Variants in AGBL3 observed in about 807,000 individuals in gnomAD.
AGBL3 encodes the protein AGBL carboxypeptidase 3.
In AGBL3, 68 loss-of-function variants were observed where a neutral mutation model predicts 94.5. The ratio of observed to expected loss-of-function variants is 0.72; its 90% CI spans 0.59 to 0.88. The LOEUF (loss-of-function observed/expected upper bound fraction) is 0.88. Among genes scored for constraint, AGBL3 ranks in the 40% least tolerant of loss-of-function variants. The pLI, the probability that AGBL3 is intolerant of heterozygous loss-of-function variation, is 0.00. For missense variants in AGBL3, 934 were observed against 1,103.8 expected, an observed-to-expected ratio of 0.85 and a Z score of 2.18; for synonymous variants, 354 against 370.7, an observed-to-expected ratio of 0.95 and a Z score of 0.52.
chr7:135,085,596 G>A (rs909929448), intron 15 of AGBL3, among the ~76,000 whole-genome samples: 1 of 152,000 alleles, frequency 6.6e-6, no homozygotes, highest in African/African-American at 2.4e-5. Flanking sequence ...ACAGTTTATT[G>A]AAGAGATTAT....
chr7:135,064,296 G>C (rs932829779), intron 12 of AGBL3, among the ~76,000 whole-genome samples: 19 of 152,200 alleles, frequency 1.2e-4, no homozygotes, highest in African/African-American at 4.6e-4. Context: ...TTAACAAGAA[G>C]AACAATGGTA....
chr7:135,063,431 G>A (rs974040017), intron 12 of AGBL3, among the ~76,000 whole-genome samples: 1 of 151,798 alleles, frequency 6.6e-6, no homozygotes, highest in Non-Finnish European at 1.5e-5. Context: ...TGTAACACTA[G>A]GTTGTGTATT....
Position 135,033,075 on chromosome 7 carries a change from C to T in AGBL3, c.557+93C>T, listed in dbSNP as rs968915918. The T allele has an allele frequency of 2.3e-5, 29 of 1,242,882 alleles. No homozygotes were observed. In the African/African-American group the frequency reaches 3.6e-4, roughly 15 times the overall value. The allele number at this position is 1,242,882 out of a possible 1,614,324, so 77.0% of individuals were successfully genotyped here. ...AAAGTTCTTAGTATCCATTATGAAACTGTAATTCCTTGAAGTATGGATACT... is the reference window on the plus strand; with the variant it reads ...AAAGTTCTTAGTATCCATTATGAAATTGTAATTCCTTGAAGTATGGATACT... On this transcript the variant is annotated intron_variant, in intron 6 of 16. Coordinates refer to ENST00000436302, the MANE Select transcript of AGBL3 (RefSeq NM_178563.4).
intron 7 of AGBL3, 103 bp downstream of exon 7, chr7:135,035,031 T>A: frequency 9.5e-7 from 1 of 1,049,120 alleles, no homozygotes. Flanking sequence ...CTCAAGATAG[T>A]CTAACTACTG....
chr7:135,037,500 G>A lies in AGBL3; in HGVS notation c.1420G>A (p.Asp474Asn). Residue 474 changes from aspartate (D) to asparagine (N), a missense_variant, in exon 8 of 17, where the codon GAT (aspartate) becomes AAT (asparagine). By Grantham distance (23) the Asp-to-Asn change is conservative. This residue lies in a region of AGBL3 where 441 missense variants were observed against 518.2 expected (regional missense o/e 0.85). Coordinates refer to ENST00000436302, the MANE Select transcript of AGBL3 (RefSeq NM_178563.4). ...AGAGAACATCTTCATGTATGGCTGT[G>A]ATGGTAGTGACAGATCTAAGACATT... ...RKENIFMYGC[D>N]GSDRSKTLYL... is the part of the protein sequence containing the mutation. 2 of 1,549,826 alleles carry A rather than the reference G, an allele frequency of 1.3e-6. No homozygotes were observed. Among genetic ancestry groups the A allele is most frequent in the Non-Finnish European group, 1.7e-6 (2 of 1,145,970 alleles).
chr7:135,104,400 G>A (rs1403120561), intron 15 of AGBL3, among the ~76,000 whole-genome samples: 1 of 152,140 alleles, frequency 6.6e-6, no homozygotes, highest in East Asian at 1.9e-4. Flanking sequence ...ACATATGCAT[G>A]TATTTTTATG....
At chr7:134,986,877 A>G (rs1487812670) in intron 1 of AGBL3, among the ~76,000 whole-genome samples, 176 bp downstream of exon 1, 1 of 152,248 alleles carries the variant, frequency 6.6e-6, no homozygotes, top group Non-Finnish European at 1.5e-5. Context: ...GACGCGGCTA[A>G]GCGTGGACGC....
At chr7:135,025,135 T>C (rs1814946624) in intron 5 of AGBL3, among the ~76,000 whole-genome samples, 1 of 151,484 alleles carries the variant, frequency 6.6e-6, no homozygotes, top group African/African-American at 2.4e-5. Context: ...CTGCAAGATA[T>C]TATACAAGAT....
chr7:135,093,955 A>T (rs1822249928), intron 15 of AGBL3: 1 of 169,080 alleles, frequency 5.9e-6, no homozygotes, highest in Non-Finnish European at 1.3e-5. Flanking sequence ...ATATATTTCA[A>T]TTGATTTTTC....
chr7:134,988,051 C>A (rs1161832744), intron 2 of AGBL3, 55 bp downstream of exon 2: 2 of 1,223,716 alleles, frequency 1.6e-6, no homozygotes, highest in African/African-American at 1.5e-5. Context: ...TTATATAAAT[C>A]CCCAATTAAA....
At chr7:135,047,422 G>A (rs1817470223) in intron 11 of AGBL3, among the ~76,000 whole-genome samples, 1 of 152,018 alleles carries the variant, frequency 6.6e-6, no homozygotes, top group Non-Finnish European at 1.5e-5. Flanking sequence ...TCATATGGCA[G>A]TTCTGTTTTT....
chr7:135,041,760 A>G (rs560184822), intron 8 of AGBL3, among the ~76,000 whole-genome samples: 1 of 152,316 alleles, frequency 6.6e-6, no homozygotes, highest in Admixed American at 6.5e-5. Context: ...GAATACAAAG[A>G]TAAGCTCCAG....
At chr7:135,081,618 G>A (rs1204117581) in intron 14 of AGBL3, 101 bp from the exon 15 acceptor site, 10 of 711,788 alleles carry the variant, frequency 1.4e-5, no homozygotes, top group Non-Finnish European at 2.2e-5. Flanking sequence ...CTGTCTACAA[G>A]TTATTTACTA....
chr7:135,096,100 T>C (rs1237260210), intron 15 of AGBL3, among the ~76,000 whole-genome samples: 2 of 151,444 alleles, frequency 1.3e-5, no homozygotes, highest in Admixed American at 1.3e-4. Context: ...TGCAGTGAGC[T>C]GAGATCATGC....
chr7:135,078,127 A>T (rs1820622865), intron 13 of AGBL3, among the ~76,000 whole-genome samples: 1 of 152,232 alleles, frequency 6.6e-6, no homozygotes, highest in African/African-American at 2.4e-5. Context: ...TGGAGTCAGA[A>T]AAAATCTTAA....
At chr7:135,005,023 A>G (rs1023966302) in intron 4 of AGBL3, among the ~76,000 whole-genome samples, 15 of 151,640 alleles carry the variant, frequency 9.9e-5, no homozygotes, top group Non-Finnish European at 7.4e-5. Context: ...AATTGAAAGG[A>G]TCGTACAGGA....
At chr7:135,128,331 A>T (rs1224755073) in intron 16 of AGBL3, 1 of 300,092 alleles carries the variant, frequency 3.3e-6, no homozygotes, top group African/African-American at 2.2e-5. Context: ...GAAAAAAAAA[A>T]ACAAAACAAC....
At chr7:135,112,251 T>C (rs1825747117) in intron 15 of AGBL3, among the ~76,000 whole-genome samples, 1 of 152,238 alleles carries the variant, frequency 6.6e-6, no homozygotes, top group South Asian at 2.1e-4. Flanking sequence ...CTTCAACCTT[T>C]TGTTTTCCTG....
chr7:135,100,016 T>G (rs1441695254), intron 15 of AGBL3: 1 of 151,204 alleles, frequency 6.6e-6, no homozygotes, highest in Non-Finnish European at 1.5e-5. Context: ...GCCTCCCGAG[T>G]AGCTGGAACT....
Sources: gnomAD v4.1 joint callset for allele counts (sites outside exome capture counted in the v4.1 genomes callset) on GRCh38, gnomAD v4.1.1 for gene constraint, gnomAD v4.1.1 regional missense constraint, MANE v1.5 for transcripts, NCBI Gene and HGNC (gene_info 2026-07-23, HGNC 2026-07-21) for gene names.